NELL2: variants seen among roughly 807,000 people sequenced by gnomAD.
The protein encoded by NELL2 is neural EGFL like 2, also known as protein kinase C-binding protein NELL2.
NELL2 carries 41 observed loss-of-function variants against 109.6 expected under a neutral mutation model. The ratio of observed to expected loss-of-function variants is 0.37; its 90% confidence interval spans 0.29 to 0.49. The LOEUF is 0.49. Ranked by LOEUF, NELL2 falls within the 20% of genes least tolerant of loss-of-function variation. The probability of loss-of-function intolerance (pLI) is 0.98; values close to 1 mark genes in which losing one functional copy is unlikely to be tolerated. For synonymous variants in NELL2, 355 were observed against 344.7 expected (o/e 1.03, Z -0.33); for missense variants, 900 against 1,008.3 (o/e 0.89, Z 1.45).
At chr12:44,594,130 G>C (rs367870398) in intron 15 of NELL2, among the ~76,000 whole-genome samples, 1 of 151,700 alleles carries the variant, frequency 6.6e-6, no homozygotes, top group South Asian at 2.1e-4. Context: ...ATCACACACC[G>C]GGGCCTGTTG....
intron 15 of NELL2, among the ~76,000 whole-genome samples, chr12:44,596,444 C>T (rs1190648854): frequency 6.6e-6 from 1 of 152,056 alleles, no homozygotes; most frequent in East Asian, 1.9e-4. Flanking sequence ...CCTCACTTTC[C>T]TCATCTAGTA....
chr12:44,567,172 C>T (rs772075645), intron 15 of NELL2, among the ~76,000 whole-genome samples: 11 of 152,264 alleles, frequency 7.2e-5, no homozygotes, highest in African/African-American at 1.7e-4. Context: ...AAACTCTATA[C>T]GTTTTCATGA....
At chr12:44,690,540 T>C (rs745662069) in intron 12 of NELL2, among the ~76,000 whole-genome samples, 1 of 149,702 alleles carries the variant, frequency 6.7e-6, no homozygotes, top group Non-Finnish European at 1.5e-5. Context: ...ACTGAGGTCT[T>C]GAAAAAAAAA....
rs936339037 is a variant in NELL2 at position 44,885,681 on chromosome 12, T to A, written c.39-9781A>T. Among the ~76,000 whole-genome samples the A allele has an allele frequency of 5.3e-5, 8 of 152,048 alleles. 1 individual carries two copies. Among genetic ancestry groups the A allele is most frequent in the African/African-American group, 1.9e-4 (8 of 41,412 alleles). On this transcript the variant is annotated intron_variant, in intron 1 of 20. Transcript: ENST00000333837. ...ACGTGCTCACAGATACATATAGTTC[T>A]TATTGTTAAGATATCAATTATCTTC...
At chr12:44,883,807 A>C (rs1289063299) in intron 1 of NELL2, among the ~76,000 whole-genome samples, 1 of 152,020 alleles carries the variant, frequency 6.6e-6, no homozygotes, top group African/African-American at 2.4e-5. Context: ...GCACCAACCC[A>C]AAATCCTATA....
intron 13 of NELL2, among the ~76,000 whole-genome samples, chr12:44,634,833 T>C (rs1009443066): frequency 3.3e-5 from 5 of 152,124 alleles, no homozygotes; most frequent in Non-Finnish European, 5.9e-5. Context: ...CTCTAGAATA[T>C]GTTGTTTCCT....
At chr12:44,870,907 C>G (rs561222113) in intron 2 of NELL2, among the ~76,000 whole-genome samples, 61 of 152,150 alleles carry the variant, frequency 4.0e-4, no homozygotes, top group Non-Finnish European at 2.1e-4. Flanking sequence ...CTATGCAGGA[C>G]CATTATTCTG....
intron 15 of NELL2, among the ~76,000 whole-genome samples, chr12:44,567,002 G>A (rs1016990786): frequency 1.3e-5 from 2 of 152,012 alleles, no homozygotes; most frequent in South Asian, 2.1e-4. Flanking sequence ...AGTAGAGATG[G>A]GGTTTCACCA....
chr12:44,826,336 T>G (rs1043132952), intron 2 of NELL2, among the ~76,000 whole-genome samples: 1 of 152,128 alleles, frequency 6.6e-6, no homozygotes, highest in Non-Finnish European at 1.5e-5. Flanking sequence ...ACTCATGAGA[T>G]TATCATTTTT....
chr12:44,730,716 GA>G (rs1168890991), intron 9 of NELL2, among the ~76,000 whole-genome samples: 4 of 151,420 alleles, frequency 2.6e-5, no homozygotes, highest in African/African-American at 9.7e-5. Context: ...ACACCTCAAG[GA>G]ACTAGAAAAA....
intron 15 of NELL2, among the ~76,000 whole-genome samples, chr12:44,580,179 G>C (rs1944271098): frequency 6.6e-6 from 1 of 152,126 alleles, no homozygotes; most frequent in Non-Finnish European, 1.5e-5. Flanking sequence ...ACTTGTAGTA[G>C]AGACTCCTAC....
intron 2 of NELL2, among the ~76,000 whole-genome samples, chr12:44,843,060 C>A (rs572815994): frequency 6.6e-6 from 1 of 151,862 alleles, no homozygotes; most frequent in Non-Finnish European, 1.5e-5. Flanking sequence ...TTACAGCAGC[C>A]CTAGGAAACC....
rs1241074750 is a variant in NELL2, at chr12:44,644,604, G to GTGTATA, written c.1444+20879_1444+20880insTATACA. On this transcript the variant is annotated intron_variant, in intron 13 of 19. Coordinates refer to ENST00000429094, the MANE Select transcript of NELL2 (RefSeq NM_001145108.2). ...AGTATATATATATATATATATATAT[G>GTGTATA]TATGTATATATATATATATATACAT... Among the ~76,000 whole-genome samples the GTGTATA allele has an allele frequency of 3.9e-3, 319 of 81,230 alleles. 4 individuals carry two copies. The highest frequency in any genetic ancestry group is 5.2e-3 in the South Asian group (13 of 2,480). 53.3% of individuals were successfully genotyped at this position (81,230 alleles called of 152,430 possible). A position where few individuals can be genotyped will look rare whatever the true frequency, so the allele number is the denominator to read the frequency against.
At chr12:44,654,856 A>G (rs201959449) in intron 13 of NELL2, among the ~76,000 whole-genome samples, 1 of 152,198 alleles carries the variant, frequency 6.6e-6, no homozygotes, top group East Asian at 1.9e-4. Context: ...CAGAATGGGA[A>G]GACGAACTCT....
chr12:44,515,897 A>G (rs970706264), intron 19 of NELL2, among the ~76,000 whole-genome samples: 4 of 151,888 alleles, frequency 2.6e-5, no homozygotes, highest in Non-Finnish European at 5.9e-5. Flanking sequence ...TCCTATTACT[A>G]TTGATATTTC....
chr12:44,689,628 C>T (rs956985408), intron 12 of NELL2, among the ~76,000 whole-genome samples: 1 of 152,230 alleles, frequency 6.6e-6, no homozygotes, highest in African/African-American at 2.4e-5. Flanking sequence ...GGCAGTCATA[C>T]TCACATACAA....
At chr12:44,904,445 C>T (rs1945697601) in intron 1 of NELL2, among the ~76,000 whole-genome samples, 1 of 152,158 alleles carries the variant, frequency 6.6e-6, no homozygotes, top group Admixed American at 6.6e-5. Flanking sequence ...TATTCTGTCT[C>T]TCTTTTCTTG....
chr12:44,692,745 T>C (rs975481351), intron 12 of NELL2, among the ~76,000 whole-genome samples: 1 of 151,902 alleles, frequency 6.6e-6, no homozygotes, highest in African/African-American at 2.4e-5. Flanking sequence ...GTAGAGGGAG[T>C]AGCTGCAGAT....
intron 9 of NELL2, among the ~76,000 whole-genome samples, chr12:44,727,875 C>T (rs1235347304): frequency 6.6e-6 from 1 of 151,900 alleles, no homozygotes; most frequent in Admixed American, 6.6e-5. Flanking sequence ...GTTACATTAC[C>T]CCCAAATGCC....
Sources: gnomAD v4.1 joint callset for allele counts (sites outside exome capture counted in the v4.1 genomes callset) on GRCh38, gnomAD v4.1.1 for gene constraint, MANE v1.5 for transcripts, NCBI Gene and HGNC (gene_info 2026-07-23, HGNC 2026-07-21) for gene names.